NTRK2: variants seen among roughly 807,000 people sequenced by gnomAD.
NTRK2 encodes the protein BDNF/NT-3 growth factors receptor.
A neutral mutation model predicts 94.5 loss-of-function variants in NTRK2; 13 were observed. That is an observed-to-expected ratio of 0.14 (90% CI 0.09 to 0.22). The LOEUF is 0.22. NTRK2 is among the 10% of genes least tolerant of loss of function. The pLI, the probability that NTRK2 is intolerant of heterozygous loss-of-function variation, is 1.00. For missense variants in NTRK2, 639 were observed against 1,071.2 expected (o/e 0.60, Z 5.63); for synonymous variants, 372 against 407.4 (o/e 0.91, Z 1.05).
In NTRK2 at chr9:84,723,545, G is replaced by A. The variant is rs188101303; in HGVS notation, c.584-28G>A. On this transcript the variant is annotated intron_variant, in intron 6 of 18. Coordinates refer to ENST00000277120, the MANE Select transcript of NTRK2 (RefSeq NM_006180.6). ...ATACTGCATTTAACTATTTGCATAT[G>A]CCTCTGTTTACTTTTCTTGTTCCAT... 5 of 1,613,506 alleles carry A rather than the reference G, an allele frequency of 3.1e-6. No homozygotes were observed. In the East Asian group the frequency reaches 8.9e-5, roughly 29 times the overall value.
At chr9:85,018,155 G>T (rs1832437231) in intron 17 of NTRK2, among the ~76,000 whole-genome samples, 1 of 152,108 alleles carries the variant, frequency 6.6e-6, no homozygotes, top group Non-Finnish European at 1.5e-5. Flanking sequence ...CCCAGGCAAG[G>T]TCACATAATT....
chr9:84,810,281 C>A (rs142397992), intron 12 of NTRK2, among the ~76,000 whole-genome samples: 3 of 152,160 alleles, frequency 2.0e-5, no homozygotes, highest in African/African-American at 7.2e-5. Flanking sequence ...AGAAATCCTT[C>A]GCATTTCTTT....
intron 14 of NTRK2, among the ~76,000 whole-genome samples, chr9:84,908,660 A>G (rs999217271): frequency 6.6e-6 from 1 of 152,206 alleles, no homozygotes; most frequent in African/African-American, 2.4e-5. Context: ...TGCTAGGCAC[A>G]GTGGGGTATT....
At chr9:84,877,890 T>A in intron 14 of NTRK2, 1 of 1,024,464 alleles carries the variant, frequency 9.8e-7, no homozygotes, top group Non-Finnish European at 1.2e-6. Context: ...AAGACAAGAC[T>A]GTCATATATG....
At chr9:84,963,862 C>A (rs1825243471) in intron 17 of NTRK2, among the ~76,000 whole-genome samples, 1 of 152,058 alleles carries the variant, frequency 6.6e-6, no homozygotes, top group African/African-American at 2.4e-5. Context: ...TTTTCTCCTG[C>A]AATGTCTAAT....
At chr9:84,889,800 G>GA (rs2076542711) in intron 14 of NTRK2, among the ~76,000 whole-genome samples, 3 of 152,182 alleles carry the variant, frequency 2.0e-5, no homozygotes, top group Non-Finnish European at 4.4e-5. Flanking sequence ...CTAGGATTTA[G>GA]TTTTCAGAAA....
rs547862638 is a variant in NTRK2, at chr9:84,926,590, A to G, written c.1634-7572A>G. Among the ~76,000 whole-genome samples the G allele has an allele frequency of 2.6e-5, 4 of 152,130 alleles. 1 individual carries two copies. The South Asian group carries it at 8.3e-4, about 32-fold the overall frequency. ...CTGTTCCTCTTTTGGAAAAACCAAG[A>G]TAAATCACTCTTTCCTAAATCCACT... On this transcript the variant is annotated intron_variant, in intron 14 of 18. Coordinates refer to ENST00000277120, the MANE Select transcript of NTRK2 (RefSeq NM_006180.6).
chr9:84,730,520 C>A lies in NTRK2; in HGVS notation c.1159+2561C>A, dbSNP rs990287440. On this transcript the variant is annotated intron_variant, in intron 9 of 18. Coordinates refer to ENST00000277120, the MANE Select transcript of NTRK2 (RefSeq NM_006180.6). ...CTTTGGGAGGCCGAGGCGGGCGGATCACGAGGTCAGGAGATCGAGACCATC... is the reference window on the plus strand; with the variant it reads ...CTTTGGGAGGCCGAGGCGGGCGGATAACGAGGTCAGGAGATCGAGACCATC... Among the ~76,000 whole-genome samples, 7 of 130,056 alleles carry A rather than the reference C, an allele frequency of 5.4e-5. 1 individual carries two copies. The highest frequency in any genetic ancestry group is 2.5e-4 in the African/African-American group (7 of 27,616). 85.3% of individuals were successfully genotyped at this position (130,056 alleles called of 152,430 possible).
chr9:84,868,285 C>A (rs546022865), intron 14 of NTRK2, among the ~76,000 whole-genome samples: 4 of 152,290 alleles, frequency 2.6e-5, no homozygotes, highest in Admixed American at 2.6e-4. Flanking sequence ...TCTTAAATAC[C>A]ATTCTCCTAC....
intron 10 of NTRK2, among the ~76,000 whole-genome samples, chr9:84,744,512 C>T (rs546818010): frequency 1.4e-4 from 21 of 152,134 alleles, no homozygotes; most frequent in East Asian, 5.8e-4. Flanking sequence ...CACGTGTGAG[C>T]GCTACCATCT....
chr9:84,671,628 A>G (rs1183804031), intron 2 of NTRK2, among the ~76,000 whole-genome samples: 1 of 152,230 alleles, frequency 6.6e-6, no homozygotes, highest in East Asian at 1.9e-4. Flanking sequence ...TTGACTTCCC[A>G]GAGATATGAT....
intron 12 of NTRK2, among the ~76,000 whole-genome samples, chr9:84,809,442 TTATAGA>T (rs1161979572): frequency 6.7e-6 from 1 of 148,710 alleles, no homozygotes; most frequent in Non-Finnish European, 1.5e-5. Context: ...ACTATATGTC[TTATAGA>T]TATAATATAT....
chr9:84,999,184 C>T (rs1421270074), intron 17 of NTRK2, among the ~76,000 whole-genome samples: 1 of 115,078 alleles, frequency 8.7e-6, no homozygotes, highest in African/African-American at 3.7e-5. Context: ...TTATCCCTCT[C>T]CCACTGAACG....
intron 14 of NTRK2, among the ~76,000 whole-genome samples, chr9:84,920,918 G>C (rs755649801): frequency 6.6e-6 from 1 of 152,176 alleles, no homozygotes; most frequent in African/African-American, 2.4e-5. Context: ...GCTTATTCTT[G>C]AGTGAATTTT....
chr9:84,887,242 G>A (rs2076444780), intron 14 of NTRK2, among the ~76,000 whole-genome samples: 2 of 152,204 alleles, frequency 1.3e-5, no homozygotes, highest in African/African-American at 2.4e-5. Context: ...CCAAACTGGT[G>A]TTTTATAACC....
chr9:84,896,788 G>T (rs1202294205), intron 14 of NTRK2, among the ~76,000 whole-genome samples: 1 of 152,198 alleles, frequency 6.6e-6, no homozygotes, highest in Non-Finnish European at 1.5e-5. Flanking sequence ...CAAAATGCTT[G>T]TTCTTCTGCC....
chr9:84,744,045 G>T (rs2063858119), intron 10 of NTRK2, among the ~76,000 whole-genome samples: 4 of 152,164 alleles, frequency 2.6e-5, no homozygotes, highest in Admixed American at 2.6e-4. Flanking sequence ...CATTAACAAG[G>T]TAGCCTCTTC....
rs910650921 is a variant in NTRK2 at position 84,934,040 on chromosome 9, C to G, written c.1634-122C>G. 2.8e-6 allele frequency: 3 copies of G among 1,069,616 alleles called. No homozygotes were observed. In the African/African-American group the frequency reaches 4.7e-5, roughly 17 times the overall value. The allele number at this position is 1,069,616 out of a possible 1,614,324, so 66.3% of individuals were successfully genotyped here. A position where few individuals can be genotyped will look rare whatever the true frequency, so the allele number is the denominator to read the frequency against. ...AGATGGACACCCAGCTTCTTCGGTT[C>G]ACTGTGCACAGAGGAGAGACTCTTG... On this transcript the variant is annotated intron_variant, in intron 14 of 18. Coordinates refer to ENST00000277120, the MANE Select transcript of NTRK2 (RefSeq NM_006180.6).
intron 13 of NTRK2, among the ~76,000 whole-genome samples, chr9:84,864,445 C>T (rs1164463193): frequency 1.3e-5 from 2 of 152,052 alleles, no homozygotes; most frequent in African/African-American, 4.8e-5. Flanking sequence ...TCAGAAACCA[C>T]TAAAGAACAT....
Sources: allele counts gnomAD v4.1 joint callset (sites outside exome capture counted in the v4.1 genomes callset), GRCh38; gene constraint gnomAD v4.1.1; transcripts MANE v1.5; gene names NCBI Gene and HGNC (gene_info 2026-07-23, HGNC 2026-07-21).